QTMAN: variants seen among roughly 807,000 people sequenced by gnomAD.
QTMAN encodes tRNA-queuosine alpha-mannosyltransferase.
At chr2:144,004,905 C>G in the QTMAN span, among the ~76,000 whole-genome samples, 3 of 151,948 alleles carry the variant, frequency 2.0e-5, no homozygotes, top group African/African-American at 7.2e-5. Context: ...GTTTTTTGCC[C>G]GAAGGCTTTA....
chr2:144,151,209 G>A, the QTMAN span, among the ~76,000 whole-genome samples: 1 of 151,916 alleles, frequency 6.6e-6, no homozygotes, highest in Non-Finnish European at 1.5e-5. Context: ...TTCATTTCTT[G>A]CTTTTAACAC....
chr2:143,983,725 G>A, the QTMAN span, among the ~76,000 whole-genome samples: 19 of 152,036 alleles, frequency 1.2e-4, no homozygotes, highest in African/African-American at 3.6e-4. Flanking sequence ...CGCCTGCCTC[G>A]GCCTCCCAAA....
chr2:144,041,247 G>C, the QTMAN span, among the ~76,000 whole-genome samples: 1 of 152,026 alleles, frequency 6.6e-6, no homozygotes, highest in African/African-American at 2.4e-5. Context: ...CAACATCTTG[G>C]GTCACAATAA....
the QTMAN span, among the ~76,000 whole-genome samples, chr2:144,181,473 T>C: frequency 6.6e-6 from 1 of 152,212 alleles, no homozygotes; most frequent in Admixed American, 6.5e-5. Flanking sequence ...AGATCACTAA[T>C]AAGCTCAATG....
At chr2:144,219,396 G>T in the QTMAN span, among the ~76,000 whole-genome samples, 1 of 152,112 alleles carries the variant, frequency 6.6e-6, no homozygotes, top group Non-Finnish European at 1.5e-5. Context: ...CTCCCAAAGT[G>T]CTGGGATTAC....
At chr2:144,204,362 C>T in the QTMAN span, among the ~76,000 whole-genome samples, 8 of 152,274 alleles carry the variant, frequency 5.3e-5, no homozygotes, top group South Asian at 1.7e-3. Context: ...TAAAAGAAGA[C>T]ATTTATGCAG....
At chr2:143,942,041 T>A in the QTMAN span, 5 of 164,572 alleles carry the variant, frequency 3.0e-5, no homozygotes, top group Non-Finnish European at 7.3e-5. Flanking sequence ...TTGAGAAAGG[T>A]CATACCAATA....
the QTMAN span, among the ~76,000 whole-genome samples, chr2:144,330,850 C>G: frequency 6.6e-6 from 1 of 152,198 alleles, no homozygotes; most frequent in Non-Finnish European, 1.5e-5. Flanking sequence ...TTCTTAATTT[C>G]TCTATAAAAT....
the QTMAN span, among the ~76,000 whole-genome samples, chr2:143,995,770 C>T: frequency 1.3e-5 from 2 of 152,150 alleles, no homozygotes; most frequent in Non-Finnish European, 2.9e-5. Context: ...TACATATCTA[C>T]GCTGATAACT....
chr2:144,050,748 G>A, the QTMAN span, among the ~76,000 whole-genome samples: 1 of 151,822 alleles, frequency 6.6e-6, no homozygotes, highest in Non-Finnish European at 1.5e-5. Context: ...AGTCAGCTGT[G>A]TTGGTGAAGT....
chr2:144,226,111 G>T, the QTMAN span, among the ~76,000 whole-genome samples: 4 of 152,112 alleles, frequency 2.6e-5, no homozygotes, highest in African/African-American at 7.2e-5. Flanking sequence ...ATGGTATTCA[G>T]ATCTTCAAAT....
At chr2:144,030,590 T>C in the QTMAN span, among the ~76,000 whole-genome samples, 1 of 152,070 alleles carries the variant, frequency 6.6e-6, no homozygotes, top group Non-Finnish European at 1.5e-5. Context: ...AGAAGATGAA[T>C]AGACTTAAGG....
chr2:144,273,215 A>T, the QTMAN span, among the ~76,000 whole-genome samples: 17 of 152,300 alleles, frequency 1.1e-4, 1 homozygote, highest in South Asian at 1.0e-3. Flanking sequence ...AGCTAAAAAA[A>T]AAAAGTCTGT....
chr2:143,971,826 T>C, the QTMAN span, among the ~76,000 whole-genome samples: 1 of 152,162 alleles, frequency 6.6e-6, no homozygotes, highest in African/African-American at 2.4e-5. Context: ...ATATGAAATA[T>C]GAAAATTACA....
At chr2:143,983,843 C>T in the QTMAN span, among the ~76,000 whole-genome samples, 1 of 152,150 alleles carries the variant, frequency 6.6e-6, no homozygotes, top group Non-Finnish European at 1.5e-5. Flanking sequence ...ATGCAAATTA[C>T]GTAGTGAACA....
the QTMAN span, among the ~76,000 whole-genome samples, chr2:144,016,316 A>G: frequency 6.6e-6 from 1 of 152,164 alleles, no homozygotes; most frequent in Non-Finnish European, 1.5e-5. Flanking sequence ...ACTTTTTTCA[A>G]ACTTAATAAT....
the QTMAN span, among the ~76,000 whole-genome samples, chr2:144,314,780 G>C: frequency 6.6e-6 from 1 of 152,124 alleles, no homozygotes; most frequent in Non-Finnish European, 1.5e-5. Flanking sequence ...TCTATTTTTT[G>C]AAAGTGGGAT....
chr2:144,133,464 TTATATATTATATAATATATAAAA>T, the QTMAN span, among the ~76,000 whole-genome samples: 8 of 55,586 alleles, frequency 1.4e-4, no homozygotes, highest in African/African-American at 3.8e-4. Flanking sequence ...ATAATATATA[TTATATATTATATAATATATAAAA>T]TATATATTAT....
chr2:143,980,658 A>G, the QTMAN span, among the ~76,000 whole-genome samples: 2 of 152,308 alleles, frequency 1.3e-5, no homozygotes, highest in East Asian at 3.9e-4. Flanking sequence ...GCTGTCCCTA[A>G]TCAATTTATC....
Sources: gnomAD v4.1 joint callset for allele counts (sites outside exome capture counted in the v4.1 genomes callset) on GRCh38, gnomAD v4.1.1 for gene constraint, MANE v1.5 for transcripts, NCBI Gene and HGNC (gene_info 2026-07-23, HGNC 2026-07-21) for gene names.